The following MAGI1 variants were observed in gnomAD, a reference collection of about 807,000 sequenced individuals.
MAGI1 encodes the protein membrane associated guanylate kinase, WW and PDZ domain containing 1, also known as membrane-associated guanylate kinase, WW and PDZ domain-containing protein 1.
Under a neutral mutation model 139.9 loss-of-function variants are expected in MAGI1, and 58 were observed. The observed-to-expected ratio is 0.41, with a 90% confidence interval of 0.34 to 0.52. The LOEUF (loss-of-function observed/expected upper bound fraction) is 0.52. Ranked by LOEUF, MAGI1 falls within the 20% of genes least tolerant of loss-of-function variation. The probability of loss-of-function intolerance (pLI) is 0.12; values close to 1 mark genes in which losing one functional copy is unlikely to be tolerated. For missense variants in MAGI1, 1,874 were observed against 1,901.6 expected, an observed-to-expected ratio of 0.99 and a Z score of 0.27; for synonymous variants, 812 against 737.9, an observed-to-expected ratio of 1.10 and a Z score of -1.63.
intron 1 of MAGI1, among the ~76,000 whole-genome samples, chr3:65,792,781 C>G (rs2039875783): frequency 6.6e-6 from 1 of 152,050 alleles, no homozygotes; most frequent in African/African-American, 2.4e-5. Context: ...CAGTTTAAAA[C>G]TTATGAATTG....
At chr3:65,781,659 A>C (rs896556680) in intron 1 of MAGI1, among the ~76,000 whole-genome samples, 3 of 152,242 alleles carry the variant, frequency 2.0e-5, no homozygotes, top group Non-Finnish European at 4.4e-5. Context: ...CTCGTATTAT[A>C]GATAATTCAG....
Position 65,381,994 on chromosome 3 carries a change from A to G in MAGI1, c.2584T>C (p.Cys862Arg), listed in dbSNP as rs557781972. 6.2e-7 allele frequency: 1 copy of G among 1,614,212 alleles called. No individual in the cohort carries two copies. Among genetic ancestry groups the G allele is most frequent in the Admixed American group, 1.7e-5 (1 of 60,022 alleles). The part of the protein sequence containing the change: ...GRLRSGDELI[C>R]VDGTPVIGKS... ...CCAATTACTGGCGTCCCATCCACACAGATTAATTCATCTCCAGACCTCAGG... is the reference window on the plus strand; with the variant it reads ...CCAATTACTGGCGTCCCATCCACACGGATTAATTCATCTCCAGACCTCAGG... Residue 862 changes from cysteine to arginine, a missense_variant, in exon 16 of 23, where the codon TGT becomes CGT. By Grantham distance (180) the Cys-to-Arg change is radical. Transcript: ENST00000402939.
chr3:65,603,473 A>C (rs2082575153), intron 2 of MAGI1, among the ~76,000 whole-genome samples: 1 of 152,244 alleles, frequency 6.6e-6, no homozygotes, highest in Non-Finnish European at 1.5e-5. Context: ...ATAAAAAATT[A>C]AGGTATTATT....
intron 1 of MAGI1, among the ~76,000 whole-genome samples, chr3:65,763,725 G>T (rs2037229354): frequency 6.6e-6 from 1 of 151,436 alleles, no homozygotes; most frequent in Admixed American, 6.6e-5. Context: ...GGAAGCATAG[G>T]CATATTTCAT....
At chr3:65,413,406 C>T (rs1241367793) in intron 12 of MAGI1, among the ~76,000 whole-genome samples, 1 of 152,134 alleles carries the variant, frequency 6.6e-6, no homozygotes, top group Middle Eastern at 3.2e-3. Flanking sequence ...AGTCCTGCCG[C>T]ACTGCATTAT....
intron 1 of MAGI1, among the ~76,000 whole-genome samples, chr3:65,836,605 G>C (rs540293672): frequency 6.6e-6 from 1 of 152,242 alleles, no homozygotes; most frequent in African/African-American, 2.4e-5. Flanking sequence ...TGGATCACGA[G>C]GTCAGGAGTT....
chr3:65,520,533 G>A (rs2078103858), intron 2 of MAGI1, among the ~76,000 whole-genome samples: 1 of 152,158 alleles, frequency 6.6e-6, no homozygotes, highest in Non-Finnish European at 1.5e-5. Flanking sequence ...AGGAGATAAT[G>A]TAGGTAAAAT....
At chr3:65,991,719 A>C (rs1373113504) in intron 1 of MAGI1, among the ~76,000 whole-genome samples, 2 of 152,146 alleles carry the variant, frequency 1.3e-5, no homozygotes, top group Non-Finnish European at 2.9e-5. Context: ...GTATCAGTTT[A>C]AAAAATAAAT....
intron 7 of MAGI1, among the ~76,000 whole-genome samples, chr3:65,446,374 G>A (rs1405619784): frequency 6.6e-6 from 1 of 152,114 alleles, no homozygotes; most frequent in Admixed American, 6.6e-5. Flanking sequence ...AGTAAGCAGG[G>A]GAGCCACACA....
At chr3:65,528,228 C>T (rs530649682) in intron 2 of MAGI1, among the ~76,000 whole-genome samples, 1 of 152,204 alleles carries the variant, frequency 6.6e-6, no homozygotes, top group Non-Finnish European at 1.5e-5. Flanking sequence ...TTTTCTTTCA[C>T]TCCACGTCAA....
chr3:65,509,033 T>A (rs929146217), intron 2 of MAGI1, among the ~76,000 whole-genome samples: 1 of 152,164 alleles, frequency 6.6e-6, no homozygotes, highest in African/African-American at 2.4e-5. Flanking sequence ...TACAAGAAGT[T>A]TTCACCAGAT....
chr3:65,494,666 C>T (rs1364285692), intron 2 of MAGI1, among the ~76,000 whole-genome samples: 1 of 152,180 alleles, frequency 6.6e-6, no homozygotes, highest in African/African-American at 2.4e-5. Context: ...CGATATTTCC[C>T]TATGTCTAGG....
At chr3:65,586,998 C>T (rs182994211) in intron 2 of MAGI1, among the ~76,000 whole-genome samples, 1 of 152,118 alleles carries the variant, frequency 6.6e-6, no homozygotes, top group East Asian at 1.9e-4. Flanking sequence ...ATGGAAGAGG[C>T]ACTGTAAGAA....
At chr3:66,011,508 C>G (rs1177837717) in intron 1 of MAGI1, among the ~76,000 whole-genome samples, 2 of 152,116 alleles carry the variant, frequency 1.3e-5, no homozygotes, top group South Asian at 4.1e-4. Flanking sequence ...CCTCCAGGAT[C>G]CCCCTCCAAG....
intron 1 of MAGI1, among the ~76,000 whole-genome samples, chr3:65,796,711 G>A (rs1448891855): frequency 1.3e-5 from 2 of 152,036 alleles, no homozygotes; most frequent in South Asian, 2.1e-4. Context: ...CCAAGGGGTC[G>A]GCATATTTCA....
chr3:65,518,157 T>C (rs551783430), intron 2 of MAGI1, among the ~76,000 whole-genome samples: 4 of 152,036 alleles, frequency 2.6e-5, no homozygotes, highest in Admixed American at 1.3e-4. Context: ...CCAGAAGACA[T>C]TGTCTAGGTT....
intron 1 of MAGI1, among the ~76,000 whole-genome samples, chr3:66,005,924 G>C (rs1411629244): frequency 6.6e-6 from 1 of 152,076 alleles, no homozygotes; most frequent in Non-Finnish European, 1.5e-5. Context: ...TCACTTCTAG[G>C]GTTGGTTCCT....
intron 1 of MAGI1, among the ~76,000 whole-genome samples, chr3:65,632,036 AAC>A (rs2084346720): frequency 6.6e-6 from 1 of 152,028 alleles, no homozygotes; most frequent in South Asian, 2.1e-4. Context: ...AAAAAAAAAA[AAC>A]AGATATTTGC....
At chr3:65,809,415 T>C (rs1436172458) in intron 1 of MAGI1, among the ~76,000 whole-genome samples, 1 of 152,156 alleles carries the variant, frequency 6.6e-6, no homozygotes, top group Non-Finnish European at 1.5e-5. Context: ...TCCAACGTCA[T>C]CCATTTCAAG....
Sources: gnomAD v4.1 joint callset for allele counts (sites outside exome capture counted in the v4.1 genomes callset) on GRCh38, gnomAD v4.1.1 for gene constraint, MANE v1.5 for transcripts, NCBI Gene and HGNC (gene_info 2026-07-23, HGNC 2026-07-21) for gene names.